Variants in C2CD5 observed in about 807,000 individuals in gnomAD.
C2CD5 encodes the protein C2 calcium dependent domain containing 5, also known as C2 domain-containing protein 5.
C2CD5 carries 109 observed loss-of-function variants against 130.3 expected under a neutral mutation model. The observed-to-expected ratio is 0.84, with a 90% CI of 0.72 to 0.98. The LOEUF (loss-of-function observed/expected upper bound fraction) is 0.98, where lower values mean the gene tolerates loss of function less well. Among genes scored for constraint, C2CD5 ranks in the 50% least tolerant of loss-of-function variants. The probability of loss-of-function intolerance (pLI) is 0.00; values close to 1 mark genes in which losing one functional copy is unlikely to be tolerated. For synonymous variants in C2CD5, 454 were observed against 429.2 expected, an observed-to-expected ratio of 1.06 and a Z score of -0.71; for missense variants, 996 against 1,261.8, an observed-to-expected ratio of 0.79 and a Z score of 3.19.
At position 22,525,699 on chromosome 12, in the gene C2CD5, C is replaced by T. The variant is rs775622262; in HGVS notation, c.356G>A (p.Arg119His). ...TTTGACAACTACATTGATTTCCCCA[C>T]GGATACCTATAAATTTAAAAAGAAA... ...FPIYDTIHGI[R>H]GEINVVVKVD... The change falls in exon 5 of 27, where the codon CGT becomes CAT. Residue 119 changes from arginine (R) to histidine (H), a missense_variant. By Grantham distance (29) the Arg-to-His change is conservative. Coordinates refer to ENST00000446597, the MANE Select transcript of C2CD5 (RefSeq NM_001286176.2). 1.0e-5 allele frequency: 15 copies of T among 1,472,818 alleles called. No individual in the cohort carries two copies. Among genetic ancestry groups the T allele is most frequent in the Non-Finnish European group, 1.3e-5 (14 of 1,052,994 alleles). 91.2% of individuals were successfully genotyped at this position (1,472,818 alleles called of 1,614,324 possible).
intron 23 of C2CD5, 194 bp from the exon 24 acceptor site, chr12:22,458,779 C>G (rs1940498756): frequency 3.0e-6 from 1 of 337,708 alleles, no homozygotes; most frequent in African/African-American, 2.1e-5. Context: ...ACCAAGTTCT[C>G]AGTTAGCAGG....
intron 9 of C2CD5, among the ~76,000 whole-genome samples, chr12:22,507,379 G>A (rs1948682548): frequency 6.6e-6 from 1 of 152,090 alleles, no homozygotes; most frequent in South Asian, 2.1e-4. Context: ...ATTGTGTGAG[G>A]TTACTCTATC....
chr12:22,519,194 G>C, intron 7 of C2CD5: 1 of 1,535,874 alleles, frequency 6.5e-7, no homozygotes, highest in Non-Finnish European at 8.7e-7. Flanking sequence ...TTGGGCTGTT[G>C]TGAGTCGAGC....
At chr12:22,508,089 C>A (rs996198633) in intron 9 of C2CD5, among the ~76,000 whole-genome samples, 6 of 152,146 alleles carry the variant, frequency 3.9e-5, no homozygotes, top group Non-Finnish European at 2.9e-5. Flanking sequence ...ATGGAGAATA[C>A]AAACTCACAA....
intron 22 of C2CD5, among the ~76,000 whole-genome samples, chr12:22,467,758 C>T (rs151312858): frequency 1.3e-5 from 2 of 152,260 alleles, no homozygotes; most frequent in East Asian, 1.9e-4. Flanking sequence ...AGGTACTGTT[C>T]AAATAGGACT....
chr12:22,511,892 T>C (rs952819888), intron 9 of C2CD5, among the ~76,000 whole-genome samples: 4 of 152,168 alleles, frequency 2.6e-5, no homozygotes, highest in African/African-American at 4.8e-5. Flanking sequence ...TGAAAAACTC[T>C]GTAGAGAACA....
intron 25 of C2CD5, 52 bp downstream of exon 25, chr12:22,456,919 T>G (rs1270580120): frequency 8.4e-7 from 1 of 1,189,336 alleles, no homozygotes; most frequent in Non-Finnish European, 1.2e-6. Context: ...GTTTTGTTAC[T>G]AAATCTTCAG....
intron 3 of C2CD5, among the ~76,000 whole-genome samples, chr12:22,528,989 G>T (rs574922560): frequency 1.3e-5 from 2 of 152,136 alleles, no homozygotes; most frequent in Non-Finnish European, 1.5e-5. Context: ...TTTATAAGGG[G>T]TCCTCCTTTA....
chr12:22,470,348 T>A lies in C2CD5; in HGVS notation c.2446+476A>T, dbSNP rs560667953. Among the ~76,000 whole-genome samples the A allele has an allele frequency of 2.0e-5, 3 of 152,238 alleles. No individual in the cohort carries two copies. In the South Asian group the frequency reaches 6.2e-4, roughly 32 times the overall value. On this transcript the variant is annotated intron_variant, in intron 21 of 26. Coordinates refer to ENST00000446597, the MANE Select transcript of C2CD5 (RefSeq NM_001286176.2). ...TATGTGTTTTTCAGAACACACAGTTTCCAATAATTTGGATTTCTTCAGAAT... is the reference window on the plus strand; with the variant it reads ...TATGTGTTTTTCAGAACACACAGTTACCAATAATTTGGATTTCTTCAGAAT...
intron 2 of C2CD5, among the ~76,000 whole-genome samples, chr12:22,543,551 T>C (rs1329733222): frequency 6.6e-6 from 1 of 152,236 alleles, no homozygotes; most frequent in Non-Finnish European, 1.5e-5. Flanking sequence ...TTCATGCACC[T>C]TCTTAAACAT....
At chr12:22,480,881 T>G (rs1394584128) in intron 14 of C2CD5, among the ~76,000 whole-genome samples, 1 of 152,074 alleles carries the variant, frequency 6.6e-6, no homozygotes, top group Non-Finnish European at 1.5e-5. Context: ...CACGGCTCAC[T>G]GCAGCCTCAA....
intron 22 of C2CD5, among the ~76,000 whole-genome samples, chr12:22,468,825 CAT>C (rs1591973700): frequency 2.0e-5 from 3 of 152,022 alleles, no homozygotes; most frequent in South Asian, 2.1e-4. Context: ...ATTCTATTGA[CAT>C]ATATGTAAAG....
chr12:22,497,907 T>TACAC (rs3063916), intron 10 of C2CD5, among the ~76,000 whole-genome samples: 23,256 of 145,542 alleles, frequency 0.16, 2,122 homozygotes, highest in Admixed American at 0.22. Context: ...TGCACACACA[T>TACAC]ACACACACAC....
At chr12:22,472,835 T>C (rs921534267) in intron 16 of C2CD5, 28 bp from the exon 17 acceptor site, 11 of 1,205,678 alleles carry the variant, frequency 9.1e-6, no homozygotes, top group Non-Finnish European at 1.4e-5. Flanking sequence ...AACTATTTTA[T>C]AAGTAGTAAA....
rs12307478 is a variant in C2CD5 at position 22,523,503 on chromosome 12, C to T, written c.723G>A (p.Thr241=). Residue 241 remains threonine (T), a synonymous_variant, in exon 7 of 27, where the codon ACG becomes ACA. Transcript: ENST00000446597. ...ESGLVVRAIG[T]ACTLDKLSSP... is the part of the protein sequence containing the mutation. ...TACTTAATTTATCCAGAGTACACGC[C>T]GTTCCTATGGCTCGCACCACTAACC... The T allele has an allele frequency of 1.1e-4, 173 of 1,613,930 alleles. No individual in the cohort carries two copies. The African/African-American group carries it at 1.9e-3, about 18-fold the overall frequency.
At chr12:22,494,922 G>A (rs10505879) in intron 10 of C2CD5, among the ~76,000 whole-genome samples, 2 of 151,676 alleles carry the variant, frequency 1.3e-5, no homozygotes. Flanking sequence ...ACACACTTAC[G>A]GACCAATCTG....
intron 3 of C2CD5, among the ~76,000 whole-genome samples, chr12:22,529,096 T>C (rs1392497197): frequency 6.6e-6 from 1 of 151,774 alleles, no homozygotes; most frequent in Admixed American, 6.6e-5. Flanking sequence ...TGGGCAGGAG[T>C]TAAAAAGGCA....
chr12:22,475,637 A>C (rs1943731238), intron 15 of C2CD5, among the ~76,000 whole-genome samples: 1 of 152,224 alleles, frequency 6.6e-6, no homozygotes, highest in African/African-American at 2.4e-5. Flanking sequence ...TTAATAAACA[A>C]GGAAATTGTA....
intron 14 of C2CD5, among the ~76,000 whole-genome samples, chr12:22,481,589 C>A (rs1283602765): frequency 6.6e-6 from 1 of 150,614 alleles, no homozygotes; most frequent in Non-Finnish European, 1.5e-5. Flanking sequence ...CCAAAATGAA[C>A]ATTAAGCTGA....
Sources: allele counts gnomAD v4.1 joint callset (sites outside exome capture counted in the v4.1 genomes callset), GRCh38; gene constraint gnomAD v4.1.1; transcripts MANE v1.5; gene names NCBI Gene and HGNC (gene_info 2026-07-23, HGNC 2026-07-21).